The following TRANK1 variants were observed in gnomAD, a reference collection of about 807,000 sequenced individuals.
The protein encoded by TRANK1 is TPR and ankyrin repeat-containing protein 1.
In TRANK1, 198 loss-of-function variants were observed where a neutral mutation model predicts 266.0. The observed-to-expected ratio is 0.74, with a 90% CI of 0.66 to 0.84. The LOEUF (loss-of-function observed/expected upper bound fraction) is 0.84. Ranked by LOEUF, TRANK1 falls within the 40% of genes least tolerant of loss-of-function variation. TRANK1 has a pLI of 0.00. For synonymous variants in TRANK1, 1,396 were observed against 1,384.1 expected (o/e 1.01, Z -0.19); for missense variants, 3,326 against 3,634.6 (o/e 0.92, Z 2.18).
At chr3:36,846,820 C>A (rs936425833) in intron 16 of TRANK1, among the ~76,000 whole-genome samples, 10 of 152,202 alleles carry the variant, frequency 6.6e-5, no homozygotes, top group African/African-American at 2.2e-4. Flanking sequence ...ACATCTTACA[C>A]AATTGCTGTG....
At chr3:36,867,407 A>G (rs1430167529) in intron 9 of TRANK1, among the ~76,000 whole-genome samples, 2 of 152,244 alleles carry the variant, frequency 1.3e-5, no homozygotes, top group African/African-American at 4.8e-5. Context: ...TAATAAATAC[A>G]TGATTACATG....
intron 1 of TRANK1, among the ~76,000 whole-genome samples, chr3:36,916,567 A>G (rs1026265543): frequency 6.6e-6 from 1 of 152,088 alleles, no homozygotes; most frequent in Non-Finnish European, 1.5e-5. Context: ...CTCAAAAAAT[A>G]AAAAAACCAA....
intron 13 of TRANK1, among the ~76,000 whole-genome samples, chr3:36,854,468 C>T (rs1033761112): frequency 2.6e-5 from 4 of 152,094 alleles, no homozygotes; most frequent in Admixed American, 2.0e-4. Context: ...AGTTTTTAAA[C>T]ATGTAAAGCA....
intron 1 of TRANK1, among the ~76,000 whole-genome samples, chr3:36,925,592 CTTTTTTT>C (rs766901220): frequency 1.4e-5 from 2 of 138,374 alleles, no homozygotes; most frequent in African/African-American, 5.2e-5. Context: ...TTGAATCTTT[CTTTTTTT>C]TTTTTTTTTG....
At position 36,850,398 on chromosome 3, in the gene TRANK1, A is replaced by T. The variant is rs559049498; in HGVS notation, c.4887+1321T>A. ...GAAGGAAAATGGAAAGAGATTTAGA[A>T]CTCAAAGCATCTGAGTTCATCTCCA... On this transcript the variant is annotated intron_variant, in intron 15 of 23. Coordinates refer to ENST00000645898, the MANE Select transcript of TRANK1 (RefSeq NM_001329998.2). 17 of 985,400 alleles carry T rather than the reference A, an allele frequency of 1.7e-5. No homozygotes were observed. In the African/African-American group the frequency reaches 2.8e-4, roughly 16 times the overall value. 61.0% of individuals were successfully genotyped at this position (985,400 alleles called of 1,614,324 possible). A position where few individuals can be genotyped will look rare whatever the true frequency, so the allele number is the denominator to read the frequency against.
intron 1 of TRANK1, among the ~76,000 whole-genome samples, chr3:36,916,897 C>T (rs2080134251): frequency 6.6e-6 from 1 of 151,910 alleles, no homozygotes; most frequent in African/African-American, 2.4e-5. Context: ...CTCACTGCAG[C>T]TTCCACCTCC....
chr3:36,864,573 C>CT (rs1478072230), intron 9 of TRANK1, 93 bp from the exon 10 acceptor site: 6 of 1,238,810 alleles, frequency 4.8e-6, no homozygotes, highest in Non-Finnish European at 6.5e-6. Context: ...CCTCCACATA[C>CT]TCACATGCTG....
intron 10 of TRANK1, among the ~76,000 whole-genome samples, chr3:36,863,814 A>G (rs1480909524): frequency 3.9e-5 from 6 of 152,160 alleles, no homozygotes; most frequent in Admixed American, 6.5e-5. Flanking sequence ...GCCTTCTTGC[A>G]CTCTTTGTAA....
chr3:36,828,125 A>G lies in TRANK1; in HGVS notation c.*150T>C. On this transcript the variant is annotated 3_prime_UTR_variant, in exon 24 of 24. Transcript: ENST00000645898. ...ATCAGATCCTAAGCCACTGAAAGAG[A>G]AGTAATGAGAATAAAAAGCAATGGT... 1.6e-6 allele frequency: 1 copy of G among 618,114 alleles called. No individual in the cohort carries two copies. The highest frequency in any genetic ancestry group is 2.9e-6 in the Non-Finnish European group (1 of 349,262). 38.3% of individuals were successfully genotyped at this position (618,114 alleles called of 1,614,324 possible).
intron 3 of TRANK1, 37 bp from the exon 4 acceptor site, chr3:36,899,296 CA>C: frequency 1.3e-6 from 2 of 1,529,586 alleles, no homozygotes; most frequent in Non-Finnish European, 1.7e-6. Context: ...TCATGTACCA[CA>C]TCTCCTTTAA....
intron 1 of TRANK1, among the ~76,000 whole-genome samples, chr3:36,925,735 C>T (rs1298467950): frequency 6.6e-6 from 1 of 151,978 alleles, no homozygotes; most frequent in Non-Finnish European, 1.5e-5. Context: ...GGACTACAGG[C>T]ACACACCACC....
At chr3:36,898,609 T>C (rs1255686175) in intron 4 of TRANK1, among the ~76,000 whole-genome samples, 1 of 152,094 alleles carries the variant, frequency 6.6e-6, no homozygotes, top group African/African-American at 2.4e-5. Context: ...CCTAGCACTT[T>C]GGGAGGCCAA....
chr3:36,920,311 A>G (rs1320316847), intron 1 of TRANK1, among the ~76,000 whole-genome samples: 1 of 152,090 alleles, frequency 6.6e-6, no homozygotes, highest in Non-Finnish European at 1.5e-5. Flanking sequence ...CATTCTTGGG[A>G]CCTTTGAAGT....
chr3:36,895,881 G>A, intron 4 of TRANK1, 123 bp from the exon 5 acceptor site: 1 of 613,358 alleles, frequency 1.6e-6, no homozygotes, highest in Non-Finnish European at 2.7e-6. Flanking sequence ...CTAAAGAAAG[G>A]CATTTTCAAA....
chr3:36,868,370 G>A (rs2079258227), intron 9 of TRANK1, among the ~76,000 whole-genome samples: 1 of 152,134 alleles, frequency 6.6e-6, no homozygotes, highest in Non-Finnish European at 1.5e-5. Flanking sequence ...AATGTTAAGT[G>A]ATGACTTACT....
intron 9 of TRANK1, among the ~76,000 whole-genome samples, chr3:36,870,672 C>T (rs1013332969): frequency 6.6e-6 from 1 of 152,174 alleles, no homozygotes; most frequent in East Asian, 1.9e-4. Context: ...AGGCTTTAGG[C>T]TTGACTGCAT....
At chr3:36,878,486 T>TCATG (rs898930657) in intron 8 of TRANK1, among the ~76,000 whole-genome samples, 1 of 152,174 alleles carries the variant, frequency 6.6e-6, no homozygotes, top group African/African-American at 2.4e-5. Flanking sequence ...AGTCCATGAA[T>TCATG]CATGACCTTT....
At chr3:36,851,196 G>A (rs1448145954) in intron 15 of TRANK1, 1 of 985,842 alleles carries the variant, frequency 1.0e-6, no homozygotes, top group Non-Finnish European at 1.2e-6. Flanking sequence ...GCTGCAAGCA[G>A]TGGTAGTGAA....
intron 2 of TRANK1, among the ~76,000 whole-genome samples, chr3:36,906,214 C>T (rs952222941): frequency 1.3e-5 from 2 of 152,206 alleles, no homozygotes; most frequent in Non-Finnish European, 2.9e-5. Context: ...TCAACTCAAC[C>T]TCAACTAGAG....
Sources: gnomAD v4.1 joint callset for allele counts (sites outside exome capture counted in the v4.1 genomes callset) on GRCh38, gnomAD v4.1.1 for gene constraint, MANE v1.5 for transcripts, NCBI Gene and HGNC (gene_info 2026-07-23, HGNC 2026-07-21) for gene names.